CNKSR2: variants seen among roughly 807,000 people sequenced by gnomAD.
CNKSR2 encodes the protein connector enhancer of kinase suppressor of Ras 2.
CNKSR2 carries 14 observed loss-of-function variants against 84.4 expected under a neutral mutation model. That is an observed-to-expected ratio of 0.17 (90% CI 0.11 to 0.26). CNKSR2 has a LOEUF of 0.26. Ranked by LOEUF, CNKSR2 falls within the 10% of genes least tolerant of loss-of-function variation. CNKSR2 has a pLI of 1.00. For missense variants in CNKSR2, 485 were observed against 771.2 expected, an observed-to-expected ratio of 0.63 and a Z score of 4.40; for synonymous variants, 275 against 277.9, an observed-to-expected ratio of 0.99 and a Z score of 0.10.
At chrX:21,596,662 G>GT (rs370224219) in intron 17 of CNKSR2, among the ~76,000 whole-genome samples, 163 of 99,797 alleles carry the variant, frequency 1.6e-3, no homozygotes, top group African/African-American at 2.0e-3. Flanking sequence ...ATACAAACAT[G>GT]TTTTTTTTTT....
At chrX:21,423,352 T>G (rs1040205160) in intron 1 of CNKSR2, 2 of 111,405 alleles carry the variant, frequency 1.8e-5, no homozygotes, top group African/African-American at 6.5e-5. Context: ...TAAATTTTCT[T>G]ATCTGTAAAA....
chrX:21,634,358 G>T (rs2092660589), intron 20 of CNKSR2, among the ~76,000 whole-genome samples: 1 of 111,689 alleles, frequency 9.0e-6, no homozygotes, highest in South Asian at 3.8e-4. Flanking sequence ...ACCTTTCTTT[G>T]GCACTTGCCT....
At chrX:21,581,520 C>T (rs946993126) in intron 13 of CNKSR2, among the ~76,000 whole-genome samples, 4 of 111,545 alleles carry the variant, frequency 3.6e-5, no homozygotes, top group South Asian at 7.6e-4. Context: ...AGTGTGGAAG[C>T]GGGGAGACAA....
intron 10 of CNKSR2, 68 bp downstream of exon 10, chrX:21,527,068 A>G: frequency 1.0e-6 from 1 of 978,474 alleles, no homozygotes; most frequent in Non-Finnish European, 1.4e-6. Flanking sequence ...TATAAACTGC[A>G]AAGTCAATTC....
At chrX:21,649,115 T>C (rs2092714571) in intron 21 of CNKSR2, 88 bp downstream of exon 21, 2 of 683,341 alleles carry the variant, frequency 2.9e-6, no homozygotes, top group Admixed American at 3.3e-5. Context: ...GAAATACAAA[T>C]TGGGGGCTGG....
At chrX:21,646,023 T>TA (rs1294676225) in intron 20 of CNKSR2, 1 of 111,808 alleles carries the variant, frequency 8.9e-6, no homozygotes, top group Non-Finnish European at 1.9e-5. Flanking sequence ...ACTCTTTGTC[T>TA]AGTCTTAAAA....
chrX:21,529,017 T>C (rs16981589), intron 10 of CNKSR2, among the ~76,000 whole-genome samples: 2,741 of 111,041 alleles, frequency 0.025, 87 homozygotes, highest in African/African-American at 0.083. Context: ...TGTGATGGAC[T>C]TAGTTTAATT....
intron 8 of CNKSR2, among the ~76,000 whole-genome samples, chrX:21,510,267 C>T (rs2091658448): frequency 9.0e-6 from 1 of 110,699 alleles, no homozygotes; most frequent in Non-Finnish European, 1.9e-5. Flanking sequence ...AGGGTAATAA[C>T]TTTGAAAATA....
chrX:21,437,357 T>C (rs1035463312), intron 3 of CNKSR2, among the ~76,000 whole-genome samples: 1 of 110,367 alleles, frequency 9.1e-6, no homozygotes, highest in African/African-American at 3.3e-5. Context: ...GAAGCACTTT[T>C]GAATTCTTAG....
chrX:21,583,948 G>A (rs185380359), intron 13 of CNKSR2, among the ~76,000 whole-genome samples: 65 of 111,655 alleles, frequency 5.8e-4, no homozygotes, highest in African/African-American at 1.9e-3. Context: ...TGCATGCATC[G>A]CCATGGTTAA....
At chrX:21,523,388 G>A (rs1176922270) in intron 9 of CNKSR2, among the ~76,000 whole-genome samples, 1 of 111,209 alleles carries the variant, frequency 9.0e-6, no homozygotes, top group African/African-American at 3.2e-5. Context: ...CATAAGTGTT[G>A]ATAGTTCCTA....
chrX:21,463,564 G>A lies in CNKSR2; in HGVS notation c.520-7202G>A, dbSNP rs143917259. ...TCATGGTTAAATTTTGGCAGGTTGT[G>A]TGTGTCTAGGAATTTATCTATGATT... On this transcript the variant is annotated intron_variant, in intron 4 of 21. Coordinates refer to ENST00000379510, the MANE Select transcript of CNKSR2 (RefSeq NM_014927.5). 4.1e-3 allele frequency among the ~76,000 whole-genome samples: 460 copies of A among 111,423 alleles called. 3 individuals carry two copies. Among genetic ancestry groups the A allele is most frequent in the African/African-American group, 0.014 (419 of 30,607 alleles).
At chrX:21,614,758 GAA>G (rs1028184216) in intron 20 of CNKSR2, among the ~76,000 whole-genome samples, 2 of 111,472 alleles carry the variant, frequency 1.8e-5, no homozygotes, top group Admixed American at 1.9e-4. Context: ...AAAAATGAGA[GAA>G]AGTTATTAAC....
intron 20 of CNKSR2, chrX:21,641,596 C>G: frequency 8.6e-7 from 1 of 1,169,525 alleles, no homozygotes; most frequent in Non-Finnish European, 1.1e-6. Flanking sequence ...TCTGTTGGCA[C>G]TCAACCCATT....
chrX:21,486,909 A>T (rs2091391422), intron 5 of CNKSR2, among the ~76,000 whole-genome samples: 1 of 111,743 alleles, frequency 8.9e-6, no homozygotes, highest in African/African-American at 3.3e-5. Context: ...TCCTGCAGTA[A>T]CTTGATGTAT....
intron 20 of CNKSR2, among the ~76,000 whole-genome samples, chrX:21,614,410 CAT>C (rs1357752214): frequency 9.0e-6 from 1 of 111,223 alleles, no homozygotes; most frequent in East Asian, 2.8e-4. Flanking sequence ...GCATAATCAT[CAT>C]TAATATCTTA....
chrX:21,590,268 A>T (rs1171165037), intron 13 of CNKSR2, among the ~76,000 whole-genome samples: 1 of 111,862 alleles, frequency 8.9e-6, no homozygotes, highest in Non-Finnish European at 1.9e-5. Flanking sequence ...ACCACAATAT[A>T]CCCGTGAAAA....
At chrX:21,597,794 T>C (rs1294246657) in intron 17 of CNKSR2, among the ~76,000 whole-genome samples, 1 of 109,553 alleles carries the variant, frequency 9.1e-6, no homozygotes, top group Admixed American at 9.9e-5. Flanking sequence ...GATTATATAT[T>C]TATAAAAATT....
At chrX:21,590,672 C>A (rs767319331) in intron 14 of CNKSR2, 52 bp downstream of exon 14, 1 of 1,111,570 alleles carries the variant, frequency 9.0e-7, no homozygotes, top group East Asian at 3.0e-5. Flanking sequence ...TTTGATAATC[C>A]CCAACACACT....
Sources: allele counts gnomAD v4.1 joint callset (sites outside exome capture counted in the v4.1 genomes callset), GRCh38; gene constraint gnomAD v4.1.1; transcripts MANE v1.5; gene names NCBI Gene and HGNC (gene_info 2026-07-23, HGNC 2026-07-21).